The following CIB4 variants were observed in gnomAD, a reference collection of about 807,000 sequenced individuals.
CIB4 encodes the protein calcium and integrin-binding family member 4.
Under a neutral mutation model 25.8 loss-of-function variants are expected in CIB4, and 25 were observed. That is an observed-to-expected ratio of 0.97 (90% CI 0.71 to 1.35). CIB4 has a LOEUF of 1.35. CIB4 is among the 40% of genes most tolerant of loss of function. The pLI is 0.00. For synonymous variants in CIB4, 75 were observed against 81.4 expected, an observed-to-expected ratio of 0.92 and a Z score of 0.42; for missense variants, 235 against 228.2, an observed-to-expected ratio of 1.03 and a Z score of -0.19.
chr2:26,614,316 G>A (rs922759612), intron 3 of CIB4, among the ~76,000 whole-genome samples: 12 of 152,156 alleles, frequency 7.9e-5, no homozygotes, highest in African/African-American at 1.4e-4. Flanking sequence ...TGGGAGTGCC[G>A]GACTGTGGCC....
intron 2 of CIB4, among the ~76,000 whole-genome samples, chr2:26,634,093 C>G (rs189477353): frequency 1.3e-5 from 2 of 152,140 alleles, no homozygotes; most frequent in Non-Finnish European, 2.9e-5. Flanking sequence ...ATCTGCCCTC[C>G]CCACCCCTTG....
Position 26,627,232 on chromosome 2 carries a change from A to G in CIB4, c.186+2178T>C, listed in dbSNP as rs1199388657. Among the ~76,000 whole-genome samples, 4 of 152,176 alleles carry G rather than the reference A, an allele frequency of 2.6e-5. No individual in the cohort carries two copies. Among genetic ancestry groups the G allele is most frequent in the Non-Finnish European group, 4.4e-5 (3 of 68,016 alleles). ...ACTGCTCAGCCAAGCCTTGATTAGA[A>G]TAGGAGGCTCTGCCTGGGCCAGAGT... On this transcript the variant is annotated intron_variant, in intron 3 of 6. Coordinates refer to ENST00000288861, the MANE Select transcript of CIB4 (RefSeq NM_001029881.3). The surrounding 1 kb of genome is among the most constrained non-coding windows in gnomAD (Gnocchi z 4.0).
chr2:26,609,424 A>G (rs1668954415), intron 3 of CIB4, among the ~76,000 whole-genome samples: 7 of 152,210 alleles, frequency 4.6e-5, no homozygotes, highest in Admixed American at 3.9e-4. Context: ...GCTGACCGAA[A>G]TTCACACAGT....
rs372546676 is a variant in CIB4 at position 26,595,321 on chromosome 2, T to C, written c.187-4A>G. ...TACGGTCTCTGAAAGGGTTGACCTG[T>C]GGGCGACAGGAGGAGCAGGGAGGAG... On this transcript the variant is annotated splice_region_variant and splice_polypyrimidine_tract_variant and intron_variant, in intron 3 of 6. Coordinates refer to ENST00000288861, the MANE Select transcript of CIB4 (RefSeq NM_001029881.3). The C allele has an allele frequency of 1.1e-5, 17 of 1,610,524 alleles. No individual in the cohort carries two copies. The highest frequency in any genetic ancestry group is 6.7e-5 in the Admixed American group (4 of 59,968).
chr2:26,585,513 C>T lies in CIB4; in HGVS notation c.329-1615G>A, dbSNP rs4258761. On this transcript the variant is annotated intron_variant, in intron 4 of 6. Transcript: ENST00000288861. ...CACCCAAGCCCCTCACTGGATGGGC[C>T]GGGTGGTAAACACAGCTGCCTGAGT... is the stretch of plus-strand genomic sequence containing the variant. Among the ~76,000 whole-genome samples the T allele has an allele frequency of 5.3e-4, 81 of 152,172 alleles. No homozygotes were observed. The South Asian group carries it at 0.013, about 25-fold the overall frequency.
chr2:26,602,531 GACATC>G (rs1342528506), intron 3 of CIB4, among the ~76,000 whole-genome samples: 13 of 152,168 alleles, frequency 8.5e-5, no homozygotes, highest in Non-Finnish European at 1.5e-4. Flanking sequence ...ATTAGTCAGA[GACATC>G]AATATGAACT....
Position 26,638,203 on chromosome 2 carries a change from C to T in CIB4, c.89+2330G>A, listed in dbSNP as rs539014966. On this transcript the variant is annotated intron_variant, in intron 2 of 6. Coordinates refer to ENST00000288861, the MANE Select transcript of CIB4 (RefSeq NM_001029881.3). ...CGTGAACTGTGAACTGGAGCCTTCC[C>T]TGGCAGCACTCACAGGGACCCACCT... 1.4e-3 allele frequency among the ~76,000 whole-genome samples: 214 copies of T among 152,276 alleles called. 1 individual carries two copies. The highest frequency in any genetic ancestry group is 5.0e-3 in the African/African-American group (208 of 41,542).
chr2:26,594,766 A>G (rs774235210), intron 4 of CIB4, among the ~76,000 whole-genome samples: 3 of 152,176 alleles, frequency 2.0e-5, no homozygotes, highest in East Asian at 3.8e-4. Context: ...CCCTCATTTT[A>G]CAGATGAGAA....
intron 4 of CIB4, 37 bp downstream of exon 4, chr2:26,595,139 T>A (rs764693569): frequency 1.7e-5 from 27 of 1,586,692 alleles, no homozygotes; most frequent in Non-Finnish European, 2.3e-5. Context: ...TCTATGGCCT[T>A]TCCACCCCTC....
intron 3 of CIB4, 143 bp from the exon 4 acceptor site, chr2:26,595,460 G>A (rs1668665568): frequency 1.1e-6 from 1 of 927,638 alleles, no homozygotes; most frequent in African/African-American, 1.6e-5. Context: ...AGTAGATGGT[G>A]GCTCACTGAG....
At chr2:26,613,393 C>T (rs1040772866) in intron 3 of CIB4, among the ~76,000 whole-genome samples, 1 of 152,174 alleles carries the variant, frequency 6.6e-6, no homozygotes, top group African/African-American at 2.4e-5. Context: ...AGTTTCTTAG[C>T]CACCTTCCCT....
At chr2:26,618,442 TG>T (rs1307785854) in intron 3 of CIB4, among the ~76,000 whole-genome samples, 3 of 152,146 alleles carry the variant, frequency 2.0e-5, no homozygotes, top group Non-Finnish European at 4.4e-5. Context: ...CACACCACCA[TG>T]CCTGGCTAAT....
intron 3 of CIB4, among the ~76,000 whole-genome samples, chr2:26,608,144 A>G (rs1668927211): frequency 6.6e-6 from 1 of 151,926 alleles, no homozygotes; most frequent in South Asian, 2.1e-4. Context: ...AGGCTGAGGC[A>G]GGAGAATCCC....
intron 3 of CIB4, among the ~76,000 whole-genome samples, chr2:26,600,491 C>T (rs1171399712): frequency 6.6e-6 from 1 of 152,130 alleles, no homozygotes. Context: ...ATGTAAAGCA[C>T]TTGTCAAAGA....
At chr2:26,614,514 C>A (rs1315127003) in intron 3 of CIB4, among the ~76,000 whole-genome samples, 1 of 152,236 alleles carries the variant, frequency 6.6e-6, no homozygotes, top group Non-Finnish European at 1.5e-5. Flanking sequence ...CTTCTCACCT[C>A]AGACACATGA....
chr2:26,606,525 C>G (rs1330584948), intron 3 of CIB4, among the ~76,000 whole-genome samples: 2 of 152,182 alleles, frequency 1.3e-5, no homozygotes, highest in African/African-American at 4.8e-5. Flanking sequence ...GTCTCTTTCC[C>G]TTCCAGGGAA....
chr2:26,616,446 T>C (rs989626054), intron 3 of CIB4, among the ~76,000 whole-genome samples: 2 of 152,172 alleles, frequency 1.3e-5, no homozygotes, highest in Non-Finnish European at 2.9e-5. Context: ...CCCTTTGTTC[T>C]CTCTGTCCTT....
intron 3 of CIB4, among the ~76,000 whole-genome samples, chr2:26,606,148 C>T (rs574358965): frequency 6.6e-6 from 1 of 152,364 alleles, no homozygotes; most frequent in South Asian, 2.1e-4. Context: ...GGGTGAGGTA[C>T]TGAGCAACAG....
At chr2:26,594,717 A>G (rs1668645790) in intron 4 of CIB4, among the ~76,000 whole-genome samples, 1 of 152,194 alleles carries the variant, frequency 6.6e-6, no homozygotes, top group Admixed American at 6.5e-5. Flanking sequence ...ACAGAGACCA[A>G]AAAATGTCAA....
Sources: gnomAD v4.1 joint callset for allele counts (sites outside exome capture counted in the v4.1 genomes callset) on GRCh38, gnomAD v4.1.1 for gene constraint, Gnocchi (gnomAD v3.1) non-coding constraint, MANE v1.5 for transcripts, NCBI Gene and HGNC (gene_info 2026-07-23, HGNC 2026-07-21) for gene names.